The following LARP1 variants were observed in gnomAD, a reference collection of about 807,000 sequenced individuals.
LARP1 encodes La ribonucleoprotein 1, translational regulator.
A neutral mutation model predicts 122.7 loss-of-function variants in LARP1; 36 were observed. That is an observed-to-expected ratio of 0.29 (90% CI 0.22 to 0.39). LARP1 has a LOEUF of 0.39. Ranked by LOEUF, LARP1 falls within the 10% of genes least tolerant of loss-of-function variation. The pLI, the probability that LARP1 is intolerant of heterozygous loss-of-function variation, is 1.00. For missense variants in LARP1, 1,040 were observed against 1,403.6 expected (o/e 0.74, Z 4.14); for synonymous variants, 539 against 528.7 (o/e 1.02, Z -0.27).
intron 4 of LARP1, 54 bp from the exon 5 acceptor site, chr5:154,793,541 G>A (rs1324424330): frequency 1.2e-6 from 2 of 1,612,144 alleles, no homozygotes; most frequent in Non-Finnish European, 1.7e-6. Flanking sequence ...GGTAGAGCTG[G>A]CTAGGAGTGG....
rs1759632381 is a variant in LARP1 at position 154,815,873 on chromosome 5, A to T, written c.*1777A>T. ...ACATGGACTGGGATGTGTGTCGGTT[A>T]TGGGCATGACTGCACGTTCACTCTC... On this transcript the variant is annotated 3_prime_UTR_variant, in exon 19 of 19. Transcript: ENST00000518297. 6.6e-6 allele frequency: 1 copy of T among 152,328 alleles called. No homozygotes were observed. Among genetic ancestry groups the T allele is most frequent in the Non-Finnish European group, 1.5e-5 (1 of 68,092 alleles). 9.4% of individuals were successfully genotyped at this position (152,328 alleles called of 1,614,324 possible).
chr5:154,749,333 G>A (rs1333068087), intron 1 of LARP1, among the ~76,000 whole-genome samples: 1 of 152,186 alleles, frequency 6.6e-6, no homozygotes, highest in Non-Finnish European at 1.5e-5. Flanking sequence ...GCTTGTTTCC[G>A]ACTCAGAGGG....
At chr5:154,794,958 T>C (rs1757629277) in intron 7 of LARP1, among the ~76,000 whole-genome samples, 1 of 152,186 alleles carries the variant, frequency 6.6e-6, no homozygotes, top group Non-Finnish European at 1.5e-5. Context: ...TCGAGGGGCT[T>C]AGGGCAGAGG....
chr5:154,805,158 G>A (rs1482660189), intron 14 of LARP1: 2 of 332,070 alleles, frequency 6.0e-6, no homozygotes, highest in African/African-American at 2.2e-5. Flanking sequence ...GTGGGGAGAG[G>A]GAGGAGAGTG....
intron 18 of LARP1, among the ~76,000 whole-genome samples, chr5:154,812,157 G>C (rs765619707): frequency 6.6e-6 from 1 of 152,130 alleles, no homozygotes; most frequent in East Asian, 1.9e-4. Flanking sequence ...CTCTGTGCTC[G>C]GTGCTTTAGA....
At chr5:154,704,879 A>G (rs1330339656) in intron 1 of LARP1, among the ~76,000 whole-genome samples, 2 of 152,076 alleles carry the variant, frequency 1.3e-5, no homozygotes, top group African/African-American at 2.4e-5. Context: ...GCTCTTTGAG[A>G]GGCTGAGGCT....
intron 1 of LARP1, among the ~76,000 whole-genome samples, chr5:154,781,618 AAAAT>A (rs1223957138): frequency 1.3e-5 from 2 of 152,158 alleles, no homozygotes; most frequent in Non-Finnish European, 2.9e-5. Context: ...AAAAAACGGA[AAAAT>A]AAATGAGCTA....
At position 154,749,404 on chromosome 5, in the gene LARP1, C is replaced by T. The variant is rs570885501; in HGVS notation, c.205+36274C>T. On this transcript the variant is annotated intron_variant, in intron 1 of 18. Transcript: ENST00000336314. Reference sequence around the variant, plus strand: ...CACTGCAAACCGTCCTCCTCCTTGACCACCCCTCTTCCTCTGAGCCTCCTT... The same window carrying T: ...CACTGCAAACCGTCCTCCTCCTTGATCACCCCTCTTCCTCTGAGCCTCCTT... Among the ~76,000 whole-genome samples the T allele has an allele frequency of 3.3e-5, 5 of 152,310 alleles. No homozygotes were observed. In the East Asian group the frequency reaches 9.6e-4, roughly 29 times the overall value.
chr5:154,811,477 C>T (rs1326601436), intron 17 of LARP1, 36 bp from the exon 18 acceptor site: 5 of 1,613,874 alleles, frequency 3.1e-6, no homozygotes, highest in Admixed American at 1.7e-5. Flanking sequence ...CTTCTTTATC[C>T]TCACCAGCTC....
Position 154,728,897 on chromosome 5 carries a change from G to T in LARP1, c.205+15767G>T, listed in dbSNP as rs564410348. Among the ~76,000 whole-genome samples the T allele has an allele frequency of 1.3e-3, 191 of 152,286 alleles. 1 individual carries two copies. Among genetic ancestry groups the T allele is most frequent in the African/African-American group, 4.3e-3 (179 of 41,542 alleles). ...AGAAGTCACTGTGGTGCCCTGCCAGGTCAGTGGATCTGGTAGAAATCATCC... is the reference window on the plus strand; with the variant it reads ...AGAAGTCACTGTGGTGCCCTGCCAGTTCAGTGGATCTGGTAGAAATCATCC... On this transcript the variant is annotated intron_variant, in intron 1 of 18. Coordinates refer to the LARP1 transcript ENST00000336314.
chr5:154,795,397 A>G (rs1362494566), intron 8 of LARP1, 78 bp downstream of exon 8: 1 of 1,458,284 alleles, frequency 6.9e-7, no homozygotes, highest in African/African-American at 1.4e-5. Context: ...CAAGGCAGAA[A>G]GCCCTGGAAG....
At chr5:154,757,017 C>T (rs1753993841) in intron 1 of LARP1, among the ~76,000 whole-genome samples, 1 of 147,932 alleles carries the variant, frequency 6.8e-6, no homozygotes, top group Non-Finnish European at 1.5e-5. Flanking sequence ...TGCGCCGCGC[C>T]GGCGGCCCGC....
intron 1 of LARP1, among the ~76,000 whole-genome samples, chr5:154,726,130 G>A (rs1037990395): frequency 1.3e-5 from 2 of 152,022 alleles, no homozygotes; most frequent in African/African-American, 4.8e-5. Context: ...GTGAGCCACC[G>A]CACCTGGCCA....
intron 1 of LARP1, among the ~76,000 whole-genome samples, chr5:154,743,732 G>A (rs1002206987): frequency 6.6e-6 from 1 of 151,940 alleles, no homozygotes; most frequent in East Asian, 1.9e-4. Context: ...CGATTCTCCT[G>A]CCTCAGCCTT....
At chr5:154,722,279 C>CT (rs1755920510) in intron 1 of LARP1, among the ~76,000 whole-genome samples, 1 of 152,170 alleles carries the variant, frequency 6.6e-6, no homozygotes, top group African/African-American at 2.4e-5. Flanking sequence ...TGCTGGACTC[C>CT]TTTTGCTGTC....
intron 1 of LARP1, among the ~76,000 whole-genome samples, chr5:154,767,106 T>A (rs1445163273): frequency 6.6e-6 from 1 of 152,182 alleles, no homozygotes; most frequent in Non-Finnish European, 1.5e-5. Context: ...TAGTTGAGCA[T>A]GAACTTGGGA....
intron 1 of LARP1, among the ~76,000 whole-genome samples, chr5:154,692,259 G>T (rs1754257551): frequency 6.6e-6 from 1 of 152,212 alleles, no homozygotes; most frequent in Admixed American, 6.5e-5. Flanking sequence ...GTTTAAAGCA[G>T]AGGTTCAGGA....
At chr5:154,796,289 G>A (rs974106352) in intron 8 of LARP1, among the ~76,000 whole-genome samples, 1 of 148,730 alleles carries the variant, frequency 6.7e-6, no homozygotes, top group African/African-American at 2.5e-5. Flanking sequence ...GAGGCCAAGG[G>A]GAGGGTCATG....
chr5:154,709,114 C>T (rs1046601233), upstream of LARP1, among the ~76,000 whole-genome samples: 4 of 152,188 alleles, frequency 2.6e-5, no homozygotes, highest in East Asian at 1.9e-4. Context: ...AAGAGGAACA[C>T]GTGTCACCTT....
Sources: gnomAD v4.1 joint callset for allele counts (sites outside exome capture counted in the v4.1 genomes callset) on GRCh38, gnomAD v4.1.1 for gene constraint, MANE v1.5 for transcripts, NCBI Gene and HGNC (gene_info 2026-07-23, HGNC 2026-07-21) for gene names.